Variants in AUTS2 observed in about 807,000 individuals in gnomAD.
AUTS2 encodes the protein autism susceptibility gene 2 protein.
A neutral mutation model predicts 112.4 loss-of-function variants in AUTS2; 17 were observed. The ratio of observed to expected loss-of-function variants is 0.15; its 90% CI spans 0.10 to 0.23. The LOEUF is 0.23. Among genes scored for constraint, AUTS2 ranks in the 10% least tolerant of loss-of-function variants. The probability of loss-of-function intolerance (pLI) is 1.00; values close to 1 mark genes in which losing one functional copy is unlikely to be tolerated. For missense variants in AUTS2, 1,510 were observed against 1,701.6 expected (o/e 0.89, Z 1.98); for synonymous variants, 751 against 702.7 (o/e 1.07, Z -1.09).
At chr7:70,321,645 A>C (rs1251356260) in intron 4 of AUTS2, among the ~76,000 whole-genome samples, 1 of 152,224 alleles carries the variant, frequency 6.6e-6, no homozygotes, top group African/African-American at 2.4e-5. Context: ...TGACTAAGTC[A>C]TGCACTTCTA....
At position 70,243,987 on chromosome 7, in the gene AUTS2, TAGTA is replaced by T. The variant is rs1489590922; in HGVS notation, c.660+109419_660+109422del. ...CAGTATAGTAATACTATTACAGTAATAGTAAGAGTATGGGAGATACTCCTATTCT... is the reference window on the plus strand; with the variant it reads ...CAGTATAGTAATACTATTACAGTAATAGAGTATGGGAGATACTCCTATTCT... On this transcript the variant is annotated intron_variant, in intron 4 of 18. Transcript: ENST00000342771. 5.3e-5 allele frequency among the ~76,000 whole-genome samples: 8 copies of T among 152,118 alleles called. No individual in the cohort carries two copies. In the East Asian group the frequency reaches 5.8e-4, roughly 11 times the overall value.
At chr7:70,142,186 G>A (rs1254801593) in intron 4 of AUTS2, among the ~76,000 whole-genome samples, 1 of 152,194 alleles carries the variant, frequency 6.6e-6, no homozygotes, top group Non-Finnish European at 1.5e-5. Context: ...ACTGATGGAT[G>A]TGGGGAAATA....
chr7:70,363,044 G>A (rs180890611), intron 4 of AUTS2, among the ~76,000 whole-genome samples: 4 of 152,198 alleles, frequency 2.6e-5, no homozygotes, highest in African/African-American at 9.6e-5. Flanking sequence ...TTCCCTCTCT[G>A]TGTGTGTATA....
intron 5 of AUTS2, among the ~76,000 whole-genome samples, chr7:70,566,636 T>G (rs988824042): frequency 6.6e-6 from 1 of 152,256 alleles, no homozygotes; most frequent in African/African-American, 2.4e-5. Flanking sequence ...TATCTCTATC[T>G]GATCTTTCAT....
chr7:70,507,662 T>A (rs1224251423), intron 5 of AUTS2, among the ~76,000 whole-genome samples: 1 of 151,982 alleles, frequency 6.6e-6, no homozygotes, highest in Non-Finnish European at 1.5e-5. Context: ...CCAGGTATGG[T>A]GACGGGCACC....
chr7:69,714,235 G>A (rs566139573), intron 1 of AUTS2, among the ~76,000 whole-genome samples: 4 of 127,936 alleles, frequency 3.1e-5, no homozygotes, highest in Non-Finnish European at 6.4e-5. Context: ...AGCTAATTGT[G>A]CATGTGTGTG....
chr7:69,909,126 A>G (rs1795257746), intron 2 of AUTS2, among the ~76,000 whole-genome samples: 1 of 152,226 alleles, frequency 6.6e-6, no homozygotes, highest in African/African-American at 2.4e-5. Context: ...TTGTAACAAC[A>G]TATCTTGCGG....
At chr7:69,604,522 A>G (rs1792607147) in intron 1 of AUTS2, among the ~76,000 whole-genome samples, 1 of 152,252 alleles carries the variant, frequency 6.6e-6, no homozygotes, top group Non-Finnish European at 1.5e-5. Flanking sequence ...GAGACAGGCT[A>G]GTGAGATAGG....
At chr7:70,741,282 G>GCCATAAGAC (rs1399593305) in intron 6 of AUTS2, among the ~76,000 whole-genome samples, 2 of 150,822 alleles carry the variant, frequency 1.3e-5, no homozygotes, top group Non-Finnish European at 2.9e-5. Context: ...TACAAATGAA[G>GCCATAAGAC]CCATAAGACT....
chr7:70,063,392 C>G (rs866610226), intron 2 of AUTS2, among the ~76,000 whole-genome samples: 2 of 151,860 alleles, frequency 1.3e-5, no homozygotes, highest in Admixed American at 1.3e-4. Flanking sequence ...TGTTGGTATA[C>G]CAGAATGATG....
intron 4 of AUTS2, among the ~76,000 whole-genome samples, chr7:70,248,017 C>T (rs1484251807): frequency 6.6e-6 from 1 of 152,086 alleles, no homozygotes; most frequent in African/African-American, 2.4e-5. Flanking sequence ...TGATAAACTA[C>T]AGTAATTGAT....
chr7:70,094,835 A>C (rs147957806), intron 2 of AUTS2, among the ~76,000 whole-genome samples: 14 of 152,272 alleles, frequency 9.2e-5, no homozygotes, highest in African/African-American at 3.1e-4. Context: ...CTTTAGTGAA[A>C]CAAAATGCAG....
chr7:70,456,011 C>T (rs897459774), intron 5 of AUTS2, among the ~76,000 whole-genome samples: 1 of 152,176 alleles, frequency 6.6e-6, no homozygotes, highest in Non-Finnish European at 1.5e-5. Flanking sequence ...GTATCCTCAG[C>T]TTTAAAGCTA....
intron 5 of AUTS2, among the ~76,000 whole-genome samples, chr7:70,603,323 C>T (rs1484599533): frequency 6.6e-6 from 1 of 152,186 alleles, no homozygotes; most frequent in Admixed American, 6.6e-5. Context: ...ACCCACACTC[C>T]TCCCAGTGTC....
chr7:70,549,414 G>C (rs894652595), intron 5 of AUTS2, among the ~76,000 whole-genome samples: 1 of 152,148 alleles, frequency 6.6e-6, no homozygotes, highest in Non-Finnish European at 1.5e-5. Context: ...TCATGCCAAA[G>C]ATCAGTGATT....
intron 5 of AUTS2, among the ~76,000 whole-genome samples, chr7:70,649,055 T>C (rs1367296045): frequency 6.6e-6 from 1 of 152,250 alleles, no homozygotes. Flanking sequence ...TCTCTGATTA[T>C]ATATGTCAAC....
chr7:70,762,827 C>T (rs768971584), intron 6 of AUTS2, 43 bp from the exon 7 acceptor site: 4 of 1,391,838 alleles, frequency 2.9e-6, no homozygotes, highest in Non-Finnish European at 4.1e-6. Context: ...GCCACACTCG[C>T]ATGTCATTGC....
In AUTS2 at chr7:70,082,376, A is replaced by G. The variant is rs182910112; in HGVS notation, c.523-35756A>G. The stretch of plus-strand genomic sequence containing the variant: ...GAGAGCATTTCTAATTCAAAGCAGG[A>G]GTCAGGCTAAGATCACATGTCTCCC... On this transcript the variant is annotated intron_variant, in intron 2 of 18. Coordinates refer to ENST00000342771, the MANE Select transcript of AUTS2 (RefSeq NM_015570.4). 2.8e-4 allele frequency among the ~76,000 whole-genome samples: 42 copies of G among 152,316 alleles called. No homozygotes were observed. The East Asian group carries it at 7.7e-3, about 28-fold the overall frequency.
chr7:70,630,344 A>G lies in AUTS2; in HGVS notation c.691-68225A>G, dbSNP rs369168738. Among the ~76,000 whole-genome samples, 5 of 152,126 alleles carry G rather than the reference A, an allele frequency of 3.3e-5. No individual in the cohort carries two copies. The East Asian group carries it at 9.7e-4, about 29-fold the overall frequency. On this transcript the variant is annotated intron_variant, in intron 5 of 18. Transcript: ENST00000342771. ...CCCTCTTTGCCAAATCTCTGCTCCA[A>G]ATGTACATAACTATAGATTTCTGAC...
Sources: gnomAD v4.1 joint callset for allele counts (sites outside exome capture counted in the v4.1 genomes callset) on GRCh38, gnomAD v4.1.1 for gene constraint, MANE v1.5 for transcripts, NCBI Gene and HGNC (gene_info 2026-07-23, HGNC 2026-07-21) for gene names.